The following ZMIZ1 variants were observed in gnomAD, a reference collection of about 807,000 sequenced individuals.
ZMIZ1 encodes the protein zinc finger MIZ domain-containing protein 1.
In ZMIZ1, 17 loss-of-function variants were observed where a neutral mutation model predicts 113.9. The ratio of observed to expected loss-of-function variants is 0.15; its 90% CI spans 0.10 to 0.22. The LOEUF (loss-of-function observed/expected upper bound fraction) is 0.22. Ranked by LOEUF, ZMIZ1 falls within the 10% of genes least tolerant of loss-of-function variation. The pLI is 1.00. For missense variants in ZMIZ1, 1,059 were observed against 1,477.8 expected, an observed-to-expected ratio of 0.72 and a Z score of 4.65; for synonymous variants, 607 against 603.1, an observed-to-expected ratio of 1.01 and a Z score of -0.09.
intron 7 of ZMIZ1, among the ~76,000 whole-genome samples, chr10:79,252,329 T>TA (rs1175815618): frequency 6.6e-6 from 1 of 152,194 alleles, no homozygotes; most frequent in African/African-American, 2.4e-5. Context: ...GTGACCTGGA[T>TA]AAGATCTTTC....
At position 79,283,265 on chromosome 10, in the gene ZMIZ1, C is replaced by T. The variant is rs72818254; in HGVS notation, c.425+5940C>T. 1.2e-3 allele frequency among the ~76,000 whole-genome samples: 179 copies of T among 152,306 alleles called. No homozygotes were observed. In the Middle Eastern group the frequency reaches 0.017, roughly 14 times the overall value. ...CCCCTGAGTATAGCAGGTCGGGGAACAGGCCCTGGAGCCAGGCTGCTGGGC... is the reference window on the plus strand; with the variant it reads ...CCCCTGAGTATAGCAGGTCGGGGAATAGGCCCTGGAGCCAGGCTGCTGGGC... On this transcript the variant is annotated intron_variant, in intron 8 of 24. Transcript: ENST00000334512.
chr10:79,133,890 C>T (rs968330289), intron 2 of ZMIZ1, among the ~76,000 whole-genome samples: 1 of 152,232 alleles, frequency 6.6e-6, no homozygotes, highest in Non-Finnish European at 1.5e-5. Flanking sequence ...CTACCGAATC[C>T]ATCAGCTGCC....
chr10:79,271,225 C>T (rs1393823088), intron 7 of ZMIZ1, among the ~76,000 whole-genome samples: 1 of 152,214 alleles, frequency 6.6e-6, no homozygotes, highest in East Asian at 1.9e-4. Context: ...TCACCCTCTG[C>T]TATGTGATCA....
chr10:79,264,262 CCT>C (rs1851451518), intron 7 of ZMIZ1, among the ~76,000 whole-genome samples: 1 of 152,198 alleles, frequency 6.6e-6, no homozygotes, highest in Non-Finnish European at 1.5e-5. Context: ...CTTGAGCTTG[CCT>C]CTCTCCTGCC....
At chr10:79,272,568 C>T (rs764461455) in intron 7 of ZMIZ1, among the ~76,000 whole-genome samples, 21 of 152,066 alleles carry the variant, frequency 1.4e-4, no homozygotes, top group Non-Finnish European at 2.8e-4. Flanking sequence ...GGGCCATGTG[C>T]GGTTTCAGCA....
At position 79,313,723 on chromosome 10, in the gene ZMIZ1, T is replaced by C. The variant is rs1564613568; in HGVS notation, c.*974T>C. 3.4e-6 allele frequency: 1 copy of C among 298,190 alleles called. No homozygotes were observed. The highest frequency in any genetic ancestry group is 6.6e-6 in the Non-Finnish European group (1 of 150,782). 18.5% of individuals were successfully genotyped at this position (298,190 alleles called of 1,614,324 possible). On this transcript the variant is annotated 3_prime_UTR_variant, in exon 25 of 25. Coordinates refer to ENST00000334512, the MANE Select transcript of ZMIZ1 (RefSeq NM_020338.4). ...CACCTGGAGAAAAGGAACGTTGCTC[T>C]TGGACAGCAAGCAAACCATTTCTCT...
At chr10:79,289,509 G>C (rs555801554) in intron 8 of ZMIZ1, among the ~76,000 whole-genome samples, 1 of 152,200 alleles carries the variant, frequency 6.6e-6, no homozygotes, top group African/African-American at 2.4e-5. Context: ...CTGTGGACTC[G>C]GGGATACAGG....
intron 3 of ZMIZ1, among the ~76,000 whole-genome samples, chr10:79,142,941 A>G (rs1845335920): frequency 1.3e-5 from 2 of 151,954 alleles, no homozygotes; most frequent in South Asian, 4.2e-4. Flanking sequence ...AAAGATGTGA[A>G]CCTTCCCAGG....
chr10:79,237,264 G>A (rs1250594), intron 7 of ZMIZ1, among the ~76,000 whole-genome samples: 48,469 of 152,142 alleles, frequency 0.32, 8,212 homozygotes, highest in Non-Finnish European at 0.39. Flanking sequence ...GGTCACGCGG[G>A]GGGCTCAGCC....
intron 8 of ZMIZ1, among the ~76,000 whole-genome samples, chr10:79,279,855 G>A (rs377124166): frequency 2.6e-5 from 4 of 152,176 alleles, no homozygotes; most frequent in South Asian, 4.1e-4. Context: ...CCAGGCACTC[G>A]GCAGGCTGAG....
chr10:79,285,580 G>T lies in ZMIZ1; in HGVS notation c.426-4195G>T, dbSNP rs923497621. The T allele has an allele frequency of 8.8e-6, 4 of 456,114 alleles. No individual in the cohort carries two copies. The Admixed American group carries it at 9.4e-5, about 11-fold the overall frequency. The allele number at this position is 456,114 out of a possible 1,614,324, so 28.3% of individuals were successfully genotyped here. A position where few individuals can be genotyped will look rare whatever the true frequency, so the allele number is the denominator to read the frequency against. On this transcript the variant is annotated intron_variant, in intron 8 of 24. Transcript: ENST00000334512. ...CACTGTGTAGGTGGTCGGTCATCAG[G>T]CTTAACGAAATGGACATATTCATTT...
chr10:79,129,356 T>C (rs923978947), intron 2 of ZMIZ1, among the ~76,000 whole-genome samples: 3 of 152,208 alleles, frequency 2.0e-5, no homozygotes, highest in African/African-American at 7.2e-5. Context: ...CTGTCACTTG[T>C]GGGCAAACCA....
At chr10:79,228,702 TCCA>T (rs1849283411) in intron 7 of ZMIZ1, among the ~76,000 whole-genome samples, 1 of 152,204 alleles carries the variant, frequency 6.6e-6, no homozygotes, top group African/African-American at 2.4e-5. Flanking sequence ...CCTCCTTGCC[TCCA>T]CCATTTCAGT....
intron 7 of ZMIZ1, among the ~76,000 whole-genome samples, chr10:79,235,683 A>G (rs1849560995): frequency 6.6e-6 from 1 of 152,230 alleles, no homozygotes; most frequent in Non-Finnish European, 1.5e-5. Context: ...GTCCAGGTCT[A>G]GCCCTGACCT....
chr10:79,210,857 G>A (rs1344064775), intron 6 of ZMIZ1, among the ~76,000 whole-genome samples: 1 of 152,138 alleles, frequency 6.6e-6, no homozygotes, highest in African/African-American at 2.4e-5. Context: ...AGGATGGAGG[G>A]ATCATGGAGG....
intron 2 of ZMIZ1, among the ~76,000 whole-genome samples, chr10:79,138,426 T>G (rs961276262): frequency 1.4e-4 from 21 of 152,206 alleles, no homozygotes; most frequent in Admixed American, 5.9e-4. Context: ...AGACGCCATT[T>G]TGGGCCCTGG....
chr10:79,242,005 C>G (rs1284456707), intron 7 of ZMIZ1, among the ~76,000 whole-genome samples: 1 of 152,084 alleles, frequency 6.6e-6, no homozygotes, highest in African/African-American at 2.4e-5. Context: ...GGTCACCACA[C>G]AAGCAACTTT....
intron 1 of ZMIZ1, among the ~76,000 whole-genome samples, chr10:79,114,411 A>C (rs1843899642): frequency 6.6e-6 from 1 of 151,242 alleles, no homozygotes; most frequent in Non-Finnish European, 1.5e-5. Context: ...GGAGGCTGGG[A>C]GTGGGGGAAG....
At position 79,298,574 on chromosome 10, in the gene ZMIZ1, C is replaced by G. The variant is rs1422981852; in HGVS notation, c.1660C>G (p.Pro554Ala). Residue 554 changes from proline (P) to alanine (A), a missense_variant, in exon 15 of 25, where the codon CCC becomes GCC. This residue lies in a region of ZMIZ1 where 239 missense variants were observed against 247.5 expected (regional missense o/e 0.97). Transcript: ENST00000334512. ...IKPNMSALPP[P>A]PANHNDELRL... The stretch of plus-strand genomic sequence containing the variant: ...GCCAAATATGAGCGCTCTGCCACCA[C>G]CCCCAGGTGAGGGCCCTCCCTCCCT... 3 of 1,597,012 alleles carry G rather than the reference C, an allele frequency of 1.9e-6. No individual in the cohort carries two copies. The highest frequency in any genetic ancestry group is 2.6e-6 in the Non-Finnish European group (3 of 1,173,846).
Sources: gnomAD v4.1 joint callset for allele counts (sites outside exome capture counted in the v4.1 genomes callset) on GRCh38, gnomAD v4.1.1 for gene constraint, gnomAD v4.1.1 regional missense constraint, MANE v1.5 for transcripts, NCBI Gene and HGNC (gene_info 2026-07-23, HGNC 2026-07-21) for gene names.